The following B4GALT1 variants were observed in gnomAD, a reference collection of about 807,000 sequenced individuals.
B4GALT1 encodes N-acetyllactosamine synthase.
In B4GALT1, 16 loss-of-function variants were observed where a neutral mutation model predicts 34.9. That is an observed-to-expected ratio of 0.46 (90% CI 0.31 to 0.70). B4GALT1 has a LOEUF of 0.70. Among genes scored for constraint, B4GALT1 ranks in the 30% least tolerant of loss-of-function variants. The pLI, the probability that B4GALT1 is intolerant of heterozygous loss-of-function variation, is 0.05. For missense variants in B4GALT1, 445 were observed against 530.5 expected (o/e 0.84, Z 1.58); for synonymous variants, 221 against 218.1 (o/e 1.01, Z -0.12).
intron 2 of B4GALT1, among the ~76,000 whole-genome samples, chr9:33,125,399 T>C (rs1055194372): frequency 3.9e-5 from 6 of 152,216 alleles, no homozygotes; most frequent in South Asian, 2.1e-4. Flanking sequence ...GTTAAGATAC[T>C]TAAGCTTTAT....
At chr9:33,135,148 T>G (rs539861646) in intron 2 of B4GALT1, 41 bp downstream of exon 2, 2 of 1,562,590 alleles carry the variant, frequency 1.3e-6, no homozygotes, top group East Asian at 4.5e-5. Flanking sequence ...CACATCTGCA[T>G]GCACACACAC....
At chr9:33,139,466 A>T (rs1840317416) in intron 1 of B4GALT1, among the ~76,000 whole-genome samples, 1 of 151,898 alleles carries the variant, frequency 6.6e-6, no homozygotes, top group East Asian at 1.9e-4. Context: ...CAATCTGGCA[A>T]TTTTTTCTCC....
downstream of B4GALT1, among the ~76,000 whole-genome samples, chr9:33,110,213 T>C (rs557070413): frequency 8.5e-5 from 13 of 152,258 alleles, 1 homozygote; most frequent in Non-Finnish European, 8.8e-5. Context: ...TATGGTTACA[T>C]TTCCTGAGAC....
At chr9:33,151,291 AT>A (rs1218388731) in intron 1 of B4GALT1, among the ~76,000 whole-genome samples, 2 of 152,228 alleles carry the variant, frequency 1.3e-5, no homozygotes, top group Non-Finnish European at 2.9e-5. Flanking sequence ...GCAACTTTGC[AT>A]TCCAGTATGT....
rs986019722 is a variant in B4GALT1, at chr9:33,112,233, C to T, written c.*1221G>A. On this transcript the variant is annotated 3_prime_UTR_variant, in exon 6 of 6. Coordinates refer to ENST00000379731, the MANE Select transcript of B4GALT1 (RefSeq NM_001497.4). Reference sequence around the variant, plus strand: ...CCTCTGCCTGGGGAGGTGCAAAGGGCTGGTAAACAACCTGACTGCTGTTAT... The same window carrying T: ...CCTCTGCCTGGGGAGGTGCAAAGGGTTGGTAAACAACCTGACTGCTGTTAT... 2.0e-5 allele frequency: 3 copies of T among 152,262 alleles called. No individual in the cohort carries two copies. The highest frequency in any genetic ancestry group is 6.5e-5 in the Admixed American group (1 of 15,288). 9.4% of individuals were successfully genotyped at this position (152,262 alleles called of 1,614,324 possible).
At chr9:33,127,528 C>G (rs912230708) in intron 2 of B4GALT1, among the ~76,000 whole-genome samples, 27 of 152,322 alleles carry the variant, frequency 1.8e-4, no homozygotes, top group Admixed American at 3.9e-4. Flanking sequence ...ATCTGAAAAT[C>G]TAGCCTGGGA....
At chr9:33,171,625 G>A (rs1179903463), upstream of B4GALT1, among the ~76,000 whole-genome samples, 1 of 152,020 alleles carries the variant, frequency 6.6e-6, no homozygotes, top group Non-Finnish European at 1.5e-5. Context: ...TGTGATCATA[G>A]GTCACTATAA....
intron 1 of B4GALT1, among the ~76,000 whole-genome samples, chr9:33,157,121 TACACACACACACACACACACAC>T (rs199541947): frequency 8.8e-6 from 1 of 113,228 alleles, no homozygotes. Context: ...CATAGGGAAC[TACACACACACACACACACACAC>T]ACACACACAC....
intron 2 of B4GALT1, among the ~76,000 whole-genome samples, chr9:33,125,858 T>A (rs779730603): frequency 1.3e-4 from 20 of 152,162 alleles, no homozygotes; most frequent in Non-Finnish European, 2.5e-4. Context: ...CTTCCCTGGA[T>A]GTCAGGTCCA....
chr9:33,183,060 G>A, the B4GALT1 span, among the ~76,000 whole-genome samples: 6 of 152,098 alleles, frequency 3.9e-5, no homozygotes, highest in Admixed American at 6.6e-5. Context: ...GAGGTTAACC[G>A]TGGCCTAAAA....
rs746049762 is a variant in B4GALT1, at chr9:33,110,965, C to T, written c.*2489G>A. 3 of 152,248 alleles carry T rather than the reference C, an allele frequency of 2.0e-5. No homozygotes were observed. The highest frequency in any genetic ancestry group is 4.4e-5 in the Non-Finnish European group (3 of 68,100). The allele number at this position is 152,248 out of a possible 1,614,324, so 9.4% of individuals were successfully genotyped here. ...AGGCCAGTTCACACAGAGTCACCAG[C>T]AATAGGATACACAGAAACAGAAAAG... On this transcript the variant is annotated 3_prime_UTR_variant, in exon 6 of 6. Coordinates refer to ENST00000379731, the MANE Select transcript of B4GALT1 (RefSeq NM_001497.4).
At chr9:33,120,683 G>A in intron 2 of B4GALT1, 77 bp from the exon 3 acceptor site, 2 of 1,449,990 alleles carry the variant, frequency 1.4e-6, no homozygotes, top group Non-Finnish European at 9.6e-7. Flanking sequence ...CTGGTGACTT[G>A]TCCACTACAC....
At chr9:33,168,737 AC>A (rs955392785), upstream of B4GALT1, among the ~76,000 whole-genome samples, 19 of 152,300 alleles carry the variant, frequency 1.2e-4, no homozygotes, top group African/African-American at 4.3e-4. Context: ...GTCTACACTT[AC>A]TGCCTCGGAA....
intron 1 of B4GALT1, among the ~76,000 whole-genome samples, chr9:33,156,019 C>T (rs1376229241): frequency 6.6e-6 from 1 of 152,128 alleles, no homozygotes; most frequent in East Asian, 1.9e-4. Context: ...CAACTGACTG[C>T]TGCAGAATGC....
chr9:33,110,407 C>T (rs1839839699), downstream of B4GALT1, among the ~76,000 whole-genome samples: 1 of 152,160 alleles, frequency 6.6e-6, no homozygotes, highest in Non-Finnish European at 1.5e-5. Flanking sequence ...GTAGTGAGTA[C>T]TTGTGAGGCA....
chr9:33,172,420 G>T, the B4GALT1 span, among the ~76,000 whole-genome samples: 8 of 152,172 alleles, frequency 5.3e-5, no homozygotes, highest in African/African-American at 1.9e-4. Flanking sequence ...AATTTGGGTT[G>T]TGACACCAGA....
chr9:33,166,963 G>A lies in B4GALT1; in HGVS notation c.207C>T (p.Ala69=). 1 of 1,580,144 alleles carries A rather than the reference G, an allele frequency of 6.3e-7. No homozygotes were observed. Among genetic ancestry groups the A allele is most frequent in the Non-Finnish European group, 8.5e-7 (1 of 1,170,224 alleles). Residue 69 remains alanine (A), a synonymous_variant, in exon 1 of 6, where the codon GCC becomes GCT. Coordinates refer to ENST00000379731, the MANE Select transcript of B4GALT1 (RefSeq NM_001497.4). The stretch of plus-strand genomic sequence containing the variant: ...GGAGCTCCCCGGAGGACTGCCCGAT[G>A]GCGGCGGCACTGTTCGAGCCGCCCT... The part of the protein sequence containing the change: ...PLQGGSNSAA[A]IGQSSGELRT...
chr9:33,126,880 C>A (rs749879798), intron 2 of B4GALT1, among the ~76,000 whole-genome samples: 1 of 152,202 alleles, frequency 6.6e-6, no homozygotes, highest in Non-Finnish European at 1.5e-5. Context: ...TCAGAGAGAA[C>A]TGAGCTCCTT....
intron 1 of B4GALT1, 50 bp from the exon 2 acceptor site, chr9:33,135,474 C>G: frequency 6.5e-7 from 1 of 1,547,980 alleles, no homozygotes; most frequent in South Asian, 1.1e-5. Context: ...GACTCGCCAC[C>G]GCTCCACAGG....
Sources: allele counts gnomAD v4.1 joint callset (sites outside exome capture counted in the v4.1 genomes callset), GRCh38; gene constraint gnomAD v4.1.1; transcripts MANE v1.5; gene names NCBI Gene and HGNC (gene_info 2026-07-23, HGNC 2026-07-21).